NPHP4: variants seen among roughly 807,000 people sequenced by gnomAD.
The protein encoded by NPHP4 is nephrocystin 4.
A neutral mutation model predicts 155.8 loss-of-function variants in NPHP4; 151 were observed. The ratio of observed to expected loss-of-function variants is 0.97; its 90% CI spans 0.85 to 1.11. NPHP4 has a LOEUF of 1.11. Ranked by LOEUF, NPHP4 falls within the 50% of genes least tolerant of loss-of-function variation. The pLI, the probability that NPHP4 is intolerant of heterozygous loss-of-function variation, is 0.00. For missense variants in NPHP4, 1,956 were observed against 1,925.7 expected, an observed-to-expected ratio of 1.02 and a Z score of -0.29; for synonymous variants, 845 against 816.8, an observed-to-expected ratio of 1.03 and a Z score of -0.59.
chr1:5,927,744 A>C lies in NPHP4; in HGVS notation c.1346T>G (p.Leu449Arg). The C allele has an allele frequency of 2.5e-6, 4 of 1,613,452 alleles. No individual in the cohort carries two copies. Among genetic ancestry groups the C allele is most frequent in the Non-Finnish European group, 3.4e-6 (4 of 1,179,508 alleles). The change falls in exon 11 of 30, where the codon CTG (leucine) becomes CGG (arginine). Residue 449 changes from leucine to arginine, a missense_variant. Coordinates refer to ENST00000378156, the MANE Select transcript of NPHP4 (RefSeq NM_015102.5). ...ESGTLRFQFS[L>R]GSEEHLDAPT... The stretch of plus-strand genomic sequence containing the variant: ...TGCATCCAGGTGTTCTTCTGAGCCC[A>C]GCGAGAACTGGAACCGGAGTGTACC...
At chr1:5,981,248 C>T (rs993811564) in intron 2 of NPHP4, among the ~76,000 whole-genome samples, 3 of 152,134 alleles carry the variant, frequency 2.0e-5, no homozygotes, top group African/African-American at 7.2e-5. Context: ...GGGCTTCTTT[C>T]CAGAATGCCA....
chr1:5,905,505 G>A lies in NPHP4; in HGVS notation c.1764-22C>T. On this transcript the variant is annotated intron_variant, in intron 14 of 29. Coordinates refer to ENST00000378156, the MANE Select transcript of NPHP4 (RefSeq NM_015102.5). This position sits in a 1 kb window ranked among gnomAD's most constrained non-coding sequence, Gnocchi z 4.0. Reference sequence around the variant, plus strand: ...AGAGCTGAGACACAGAGACTCCTCAGGTAGCCTCCCGGGAAAGGGGGGACC... The same window carrying A: ...AGAGCTGAGACACAGAGACTCCTCAAGTAGCCTCCCGGGAAAGGGGGGACC... 2.5e-6 allele frequency: 4 copies of A among 1,598,614 alleles called. No individual in the cohort carries two copies. The highest frequency in any genetic ancestry group is 3.4e-6 in the Non-Finnish European group (4 of 1,168,538).
chr1:5,951,073 T>TTA (rs763917455), intron 7 of NPHP4, among the ~76,000 whole-genome samples: 7 of 152,102 alleles, frequency 4.6e-5, no homozygotes, highest in Non-Finnish European at 7.4e-5. Flanking sequence ...CCTATACTGT[T>TTA]TAGAGATGCA....
chr1:5,891,272 T>C, intron 16 of NPHP4, among the ~76,000 whole-genome samples: 1 of 152,246 alleles, frequency 6.6e-6, no homozygotes, highest in Middle Eastern at 3.2e-3. Context: ...GATTTATGGT[T>C]TCACCAAGTC....
At chr1:5,956,927 G>A (rs973788012) in intron 6 of NPHP4, among the ~76,000 whole-genome samples, 13 of 152,144 alleles carry the variant, frequency 8.5e-5, no homozygotes, top group Admixed American at 7.9e-4. Context: ...AGCTCACATC[G>A]TGGCTAGACG....
At position 5,947,327 on chromosome 1, in the gene NPHP4, C is replaced by G. The variant is rs964376183; in HGVS notation, c.993-97G>C. 1.2e-4 allele frequency: 161 copies of G among 1,348,720 alleles called. 1 individual carries two copies. The highest frequency in any genetic ancestry group is 1.8e-5 in the Non-Finnish European group (17 of 962,476). The allele number at this position is 1,348,720 out of a possible 1,614,324, so 83.5% of individuals were successfully genotyped here. A position where few individuals can be genotyped will look rare whatever the true frequency, so the allele number is the denominator to read the frequency against. On this transcript the variant is annotated intron_variant, in intron 8 of 29. Coordinates refer to ENST00000378156, the MANE Select transcript of NPHP4 (RefSeq NM_015102.5). ...CTGTCAGAACAGTCAAGGGGACACC[C>G]TGGGGGACACAGGGGTGCTGCTGCA...
At position 5,883,883 on chromosome 1, in the gene NPHP4, C is replaced by T. The variant is rs376826200; in HGVS notation, c.2485+3403G>A. ...GTGGCAAGGCCAACTGGGCCTGGGG[C>T]AGGCGACCAGCATTCTTGGAGCTCA... On this transcript the variant is annotated intron_variant, in intron 18 of 29. Coordinates refer to ENST00000378156, the MANE Select transcript of NPHP4 (RefSeq NM_015102.5). Among the ~76,000 whole-genome samples the T allele has an allele frequency of 3.3e-3, 489 of 146,508 alleles. 3 individuals carry two copies. Among genetic ancestry groups the T allele is most frequent in the African/African-American group, 0.013 (461 of 36,086 alleles).
intron 18 of NPHP4, chr1:5,886,924 G>C (rs909381241): frequency 4.6e-6 from 1 of 216,370 alleles, no homozygotes; most frequent in Non-Finnish European, 9.1e-6. Context: ...GGGAAGTTAG[G>C]AACACTTCCC....
intron 5 of NPHP4, among the ~76,000 whole-genome samples, chr1:5,963,689 C>CTTTT (rs57131022): frequency 5.7e-5 from 7 of 122,910 alleles, no homozygotes; most frequent in African/African-American, 9.0e-5. Flanking sequence ...CTTTTCTTTT[C>CTTTT]TTTTTTTTTT....
chr1:5,917,098 C>T (rs578188481), intron 11 of NPHP4, among the ~76,000 whole-genome samples: 1 of 152,278 alleles, frequency 6.6e-6, no homozygotes, highest in South Asian at 2.1e-4. Context: ...CTTCACCGAC[C>T]CTGAATCCGT....
chr1:5,878,124 T>C (rs1337497043), intron 19 of NPHP4, among the ~76,000 whole-genome samples: 1 of 152,158 alleles, frequency 6.6e-6, no homozygotes, highest in Non-Finnish European at 1.5e-5. Context: ...GGGTCCTTCC[T>C]CACTCTCTGG....
At chr1:5,942,923 A>T (rs1646900468) in intron 9 of NPHP4, among the ~76,000 whole-genome samples, 2 of 152,180 alleles carry the variant, frequency 1.3e-5, no homozygotes. Context: ...CGCAGCCAAG[A>T]CACCGGATCT....
At position 5,882,232 on chromosome 1, in the gene NPHP4, A is replaced by G. The variant is rs1374148165; in HGVS notation, c.2486-1993T>C. 3.6e-5 allele frequency: 5 copies of G among 139,146 alleles called. No homozygotes were observed. The highest frequency in any genetic ancestry group is 1.4e-4 in the African/African-American group (5 of 36,656). The allele number at this position is 139,146 out of a possible 1,614,324, so 8.6% of individuals were successfully genotyped here. ...CTCTCAGTGGCGCGCTTACCCAGCC[A>G]TCTCTCAGTGGCGCGCTTACCCAGC... On this transcript the variant is annotated intron_variant, in intron 18 of 29. Transcript: ENST00000378156. This position sits in a 1 kb window ranked among gnomAD's most constrained non-coding sequence, Gnocchi z 5.1.
chr1:5,872,918 A>C (rs143646946), intron 23 of NPHP4, among the ~76,000 whole-genome samples: 13 of 152,266 alleles, frequency 8.5e-5, no homozygotes, highest in African/African-American at 2.9e-4. Flanking sequence ...ACACTCACAC[A>C]CCAGGGAATG....
intron 19 of NPHP4, among the ~76,000 whole-genome samples, chr1:5,878,035 CAT>C (rs1288282116): frequency 2.6e-5 from 4 of 152,246 alleles, no homozygotes; most frequent in Admixed American, 6.5e-5. Flanking sequence ...AAGGCTGACA[CAT>C]GAGGCTCCCA....
At position 5,875,084 on chromosome 1, in the gene NPHP4, C is replaced by T. The variant is rs201531378; in HGVS notation, c.2834G>A (p.Arg945His). 1.2e-4 allele frequency: 195 copies of T among 1,604,276 alleles called. No homozygotes were observed. Among genetic ancestry groups the T allele is most frequent in the Non-Finnish European group, 1.5e-4 (174 of 1,178,888 alleles). The change falls in exon 21 of 30, where the codon CGC (arginine) becomes CAC (histidine). Residue 945 changes from arginine to histidine, a missense_variant. Transcript: ENST00000378156. ...CTGTAGGTCCCGCAAGTGCTGTGTG[C>T]GGACGCTCTGCTGCGCCTGCAGACA... ...GTSVLAQQSV[R>H]TQHLRDLQVI... is the part of the protein sequence containing the mutation.
At position 5,892,215 on chromosome 1, in the gene NPHP4, C is replaced by A. The variant is rs1014911150; in HGVS notation, c.2144-1187G>T. Among the ~76,000 whole-genome samples the A allele has an allele frequency of 6.6e-6, 1 of 152,194 alleles. No individual in the cohort carries two copies. Among genetic ancestry groups the A allele is most frequent in the African/African-American group, 2.4e-5 (1 of 41,452 alleles). On this transcript the variant is annotated intron_variant, in intron 16 of 29. Coordinates refer to ENST00000378156, the MANE Select transcript of NPHP4 (RefSeq NM_015102.5). The surrounding 1 kb of genome is among the most constrained non-coding windows in gnomAD (Gnocchi z 4.5). ...TAGTGAGAGCTCCCAGCATGAGCGACGCAGAAGATGGGTGATTTCTGCATT... is the reference window on the plus strand; with the variant it reads ...TAGTGAGAGCTCCCAGCATGAGCGAAGCAGAAGATGGGTGATTTCTGCATT...
At chr1:5,950,911 C>A (rs1019932859) in intron 7 of NPHP4, among the ~76,000 whole-genome samples, 1 of 152,212 alleles carries the variant, frequency 6.6e-6, no homozygotes, top group African/African-American at 2.4e-5. Context: ...GGTGCCCTCA[C>A]ACGGACGACC....
In NPHP4 at chr1:5,905,686, T is replaced by C. The variant is rs200634524; in HGVS notation, c.1709A>G (p.Glu570Gly). Residue 570 changes from glutamate to glycine, a missense_variant, in exon 14 of 30, where the codon GAG (glutamate) becomes GGG (glycine). By Grantham distance (98) the Glu-to-Gly change is moderately conservative (BLOSUM62 -2). Transcript: ENST00000378156. The surrounding 1 kb of genome is among the most constrained non-coding windows in gnomAD (Gnocchi z 4.0). ...LETSIAEQLQ[E>G]LPFTPLHAPI... Reference sequence around the variant, plus strand: ...GGCATGCAAAGGCGTGAACGGCAGCTCCTGTAACTGTTCGGCAATGGATGT... The same window carrying C: ...GGCATGCAAAGGCGTGAACGGCAGCCCCTGTAACTGTTCGGCAATGGATGT... 1.4e-5 allele frequency: 22 copies of C among 1,613,876 alleles called. No homozygotes were observed. In the African/African-American group the frequency reaches 2.7e-4, roughly 20 times the overall value.
Sources: gnomAD v4.1 joint callset for allele counts (sites outside exome capture counted in the v4.1 genomes callset) on GRCh38, gnomAD v4.1.1 for gene constraint, Gnocchi (gnomAD v3.1) non-coding constraint, MANE v1.5 for transcripts, NCBI Gene and HGNC (gene_info 2026-07-23, HGNC 2026-07-21) for gene names.